EPB41L4A: variants seen among roughly 807,000 people sequenced by gnomAD.
The protein encoded by EPB41L4A is erythrocyte membrane protein band 4.1 like 4A, also known as band 4.1-like protein 4A.
In EPB41L4A, 100 loss-of-function variants were observed where a neutral mutation model predicts 108.6. That is an observed-to-expected ratio of 0.92 (90% CI 0.78 to 1.09). The LOEUF (loss-of-function observed/expected upper bound fraction) is 1.09, where lower values mean the gene tolerates loss of function less well. EPB41L4A is among the 50% of genes least tolerant of loss of function. The pLI is 0.00. For missense variants in EPB41L4A, 1,030 were observed against 842.7 expected (o/e 1.22, Z -2.75); for synonymous variants, 319 against 289.0 (o/e 1.10, Z -1.05).
At chr5:112,266,870 C>A (rs911745932) in intron 4 of EPB41L4A, among the ~76,000 whole-genome samples, 1 of 152,208 alleles carries the variant, frequency 6.6e-6, no homozygotes, top group East Asian at 1.9e-4. Context: ...GTTCTAAACA[C>A]TACACGGTAA....
intron 1 of EPB41L4A, among the ~76,000 whole-genome samples, chr5:112,404,023 T>C (rs929673222): frequency 6.6e-6 from 1 of 152,202 alleles, no homozygotes; most frequent in African/African-American, 2.4e-5. Flanking sequence ...TTCCATGCAA[T>C]AAATCAGTTT....
intron 1 of EPB41L4A, among the ~76,000 whole-genome samples, chr5:112,395,572 C>T (rs551154513): frequency 3.3e-4 from 50 of 152,130 alleles, no homozygotes; most frequent in Middle Eastern, 6.8e-3. Context: ...GTTAGAATGG[C>T]GATCATTAAA....
At chr5:112,205,348 C>A in intron 14 of EPB41L4A, 73 bp downstream of exon 14, 1 of 1,268,484 alleles carries the variant, frequency 7.9e-7, no homozygotes. Flanking sequence ...CAGCTGGATT[C>A]CTTTATTCAA....
At chr5:112,158,658 C>T (rs1380306500), downstream of EPB41L4A, among the ~76,000 whole-genome samples, 1 of 152,058 alleles carries the variant, frequency 6.6e-6, no homozygotes, top group African/African-American at 2.4e-5. Flanking sequence ...ACAATCATAG[C>T]GGAAGGGGAA....
At chr5:112,274,969 A>G (rs886917310) in intron 4 of EPB41L4A, among the ~76,000 whole-genome samples, 1 of 152,244 alleles carries the variant, frequency 6.6e-6, no homozygotes, top group African/African-American at 2.4e-5. Context: ...GCAAATGTAT[A>G]TTTAGAAGTA....
In EPB41L4A at chr5:112,170,027, AGAAAAGAATT is replaced by A. The variant is rs145138183; in HGVS notation, c.1739+264_1739+273del. On this transcript the variant is annotated intron_variant, in intron 20 of 22. Transcript: ENST00000261486. ...AAAAAACTTTATCAGTGAGAATCTC[AGAAAAGAATT>A]TATTTTAAAACTGACATTAATCAGG... 8.5e-3 allele frequency: 3,242 copies of A among 382,034 alleles called. 18 individuals carry two copies. The highest frequency in any genetic ancestry group is 0.011 in the Middle Eastern group (16 of 1,394). The allele number at this position is 382,034 out of a possible 1,614,324, so 23.7% of individuals were successfully genotyped here. A position where few individuals can be genotyped will look rare whatever the true frequency, so the allele number is the denominator to read the frequency against.
At chr5:112,190,223 C>A (rs903383063) in intron 17 of EPB41L4A, among the ~76,000 whole-genome samples, 6 of 152,162 alleles carry the variant, frequency 3.9e-5, no homozygotes, top group Non-Finnish European at 5.9e-5. Flanking sequence ...AGTTTTTAAT[C>A]CTACCAGTGA....
chr5:112,217,828 T>G (rs1177444606), intron 12 of EPB41L4A, among the ~76,000 whole-genome samples: 1 of 152,164 alleles, frequency 6.6e-6, no homozygotes, highest in Non-Finnish European at 1.5e-5. Context: ...GGCATTCTAC[T>G]GAAAAGCTGG....
intron 22 of EPB41L4A, among the ~76,000 whole-genome samples, chr5:112,168,378 G>A (rs947765569): frequency 6.6e-6 from 1 of 152,212 alleles, no homozygotes; most frequent in Non-Finnish European, 1.5e-5. Flanking sequence ...TTAACAAAGT[G>A]AGTCTATCAC....
intron 1 of EPB41L4A, among the ~76,000 whole-genome samples, chr5:112,330,135 G>A (rs1756463058): frequency 6.6e-6 from 1 of 151,574 alleles, no homozygotes. Context: ...CTGAAGAGGG[G>A]GTGGGGTGCT....
chr5:112,183,959 C>G (rs1761291467), intron 18 of EPB41L4A, 57 bp downstream of exon 18: 4 of 1,604,850 alleles, frequency 2.5e-6, no homozygotes, highest in Non-Finnish European at 3.4e-6. Context: ...CCTGAATATC[C>G]ACATGCTACT....
At chr5:112,398,175 A>T (rs1458517333) in intron 1 of EPB41L4A, among the ~76,000 whole-genome samples, 1 of 152,192 alleles carries the variant, frequency 6.6e-6, no homozygotes, top group South Asian at 2.1e-4. Context: ...AGTCCAACCC[A>T]TTCAATGTGT....
At chr5:112,252,769 G>C (rs1489279521) in intron 9 of EPB41L4A, among the ~76,000 whole-genome samples, 1 of 151,786 alleles carries the variant, frequency 6.6e-6, no homozygotes, top group Non-Finnish European at 1.5e-5. Flanking sequence ...GGATCATTAG[G>C]ACCCCAAGCC....
At chr5:112,190,918 CAGAA>C (rs1761665943) in intron 17 of EPB41L4A, among the ~76,000 whole-genome samples, 1 of 151,834 alleles carries the variant, frequency 6.6e-6, no homozygotes, top group Non-Finnish European at 1.5e-5. Context: ...GCCCAGGAAA[CAGAA>C]AGGAACTGGG....
intron 9 of EPB41L4A, 94 bp downstream of exon 9, chr5:112,259,135 C>A: frequency 1.0e-6 from 1 of 959,352 alleles, no homozygotes. Flanking sequence ...GTGGAAGCAG[C>A]TGAAGAAAAC....
rs147192634 is a variant in EPB41L4A at position 112,143,683 on chromosome 5, G to A, written n.1310C>T. 2.9e-3 allele frequency: 723 copies of A among 251,726 alleles called. 9 individuals are homozygous for A. The highest frequency in any genetic ancestry group is 0.015 in the African/African-American group (677 of 44,010). 15.6% of individuals were successfully genotyped at this position (251,726 alleles called of 1,614,324 possible). ...TCAGCCATCCTCAGCTATTCTTCTA[G>A]TGCCAGGAACATAGAAGCAACAGCA... On this transcript the variant is annotated non_coding_transcript_exon_variant, in exon 14 of 14. Transcript: ENST00000507810.
chr5:112,337,905 C>G (rs1757028642), intron 1 of EPB41L4A, among the ~76,000 whole-genome samples: 1 of 152,126 alleles, frequency 6.6e-6, no homozygotes. Flanking sequence ...GAGGACAGAA[C>G]AGCAGAAACA....
exon 14 of EPB41L4A, chr5:112,143,787 C>T: frequency 2.3e-6 from 1 of 444,364 alleles, no homozygotes; most frequent in Non-Finnish European, 4.5e-6. Flanking sequence ...GTGTTAATAC[C>T]TGAACCAACC....
intron 1 of EPB41L4A, among the ~76,000 whole-genome samples, chr5:112,323,590 T>C (rs536459493): frequency 3.3e-5 from 5 of 152,254 alleles, no homozygotes; most frequent in South Asian, 4.1e-4. Context: ...ACAAATCTTA[T>C]TTTATCAAAA....
Sources: gnomAD v4.1 joint callset for allele counts (sites outside exome capture counted in the v4.1 genomes callset) on GRCh38, gnomAD v4.1.1 for gene constraint, MANE v1.5 for transcripts, NCBI Gene and HGNC (gene_info 2026-07-23, HGNC 2026-07-21) for gene names.